The following DLGAP1 variants were observed in gnomAD, a reference collection of about 807,000 sequenced individuals.
The protein encoded by DLGAP1 is disks large-associated protein 1.
In DLGAP1, 11 loss-of-function variants were observed where a neutral mutation model predicts 90.8. That is an observed-to-expected ratio of 0.12 (90% confidence interval 0.08 to 0.20). The LOEUF (loss-of-function observed/expected upper bound fraction) is 0.20. Ranked by LOEUF, DLGAP1 falls within the 10% of genes least tolerant of loss-of-function variation. The pLI is 1.00. For synonymous variants in DLGAP1, 558 were observed against 540.7 expected, an observed-to-expected ratio of 1.03 and a Z score of -0.44; for missense variants, 1,050 against 1,333.8, an observed-to-expected ratio of 0.79 and a Z score of 3.31.
chr18:3,582,018 C>A lies in DLGAP1; in HGVS notation c.1822G>T (p.Ala608Ser). The A allele has an allele frequency of 6.2e-7, 1 of 1,612,844 alleles. No homozygotes were observed. Among genetic ancestry groups the A allele is most frequent in the Non-Finnish European group, 8.5e-7 (1 of 1,179,874 alleles). The stretch of plus-strand genomic sequence containing the variant: ...TGACTGGCAGGGCCATGGATCTGGG[C>A]GTTTGCAGCTTCGATGGCGGCTGTC... ...ALTAAIEAANAQIHGPASQHM... is the reference protein window; with the variant it reads ...ALTAAIEAANSQIHGPASQHM... The change falls in exon 8 of 13, where the codon GCC becomes TCC. Residue 608 changes from alanine to serine, a missense_variant. This residue lies in a region of DLGAP1 where 565 missense variants were observed against 879.7 expected (regional missense o/e 0.64). Transcript: ENST00000315677.
At chr18:4,381,883 G>A (rs558983258) in intron 1 of DLGAP1, among the ~76,000 whole-genome samples, 1 of 152,160 alleles carries the variant, frequency 6.6e-6, no homozygotes, top group Non-Finnish European at 1.5e-5. Flanking sequence ...AGTTCCACGT[G>A]GCTGGGGAGG....
chr18:3,686,983 G>C (rs1042159540), intron 7 of DLGAP1, among the ~76,000 whole-genome samples: 2 of 152,194 alleles, frequency 1.3e-5, no homozygotes, highest in Non-Finnish European at 2.9e-5. Flanking sequence ...GAGTCAGAGT[G>C]TTGCAGGCTA....
chr18:3,651,783 G>A (rs1171172892), intron 7 of DLGAP1, among the ~76,000 whole-genome samples: 3 of 152,142 alleles, frequency 2.0e-5, no homozygotes, highest in African/African-American at 7.2e-5. Context: ...GACCAGCCTG[G>A]CTAACATGGT....
chr18:4,331,941 G>A (rs1049817309), intron 1 of DLGAP1, among the ~76,000 whole-genome samples: 1 of 151,820 alleles, frequency 6.6e-6, no homozygotes, highest in Non-Finnish European at 1.5e-5. Flanking sequence ...GAAGGAAATG[G>A]TGAGCCTAAA....
At chr18:4,092,671 C>T (rs896560895) in intron 2 of DLGAP1, among the ~76,000 whole-genome samples, 2 of 152,078 alleles carry the variant, frequency 1.3e-5, no homozygotes, top group Non-Finnish European at 2.9e-5. Flanking sequence ...GGCTTTTGTT[C>T]CATAACAGGG....
At chr18:4,158,330 A>C (rs2144483046) in intron 1 of DLGAP1, among the ~76,000 whole-genome samples, 1 of 152,286 alleles carries the variant, frequency 6.6e-6, no homozygotes, top group South Asian at 2.1e-4. Context: ...TAGTAGAAAA[A>C]GTCAAGAGGG....
In DLGAP1 at chr18:4,308,959, C is replaced by T. The variant is rs146367245; in HGVS notation, c.-267+146047G>A. Among the ~76,000 whole-genome samples the T allele has an allele frequency of 6.4e-4, 97 of 152,238 alleles. 3 individuals are homozygous for T. The East Asian group carries it at 8.9e-3, about 14-fold the overall frequency. On this transcript the variant is annotated intron_variant, in intron 1 of 12. Transcript: ENST00000315677. ...TGTAATTGCTTCATTCCTTAACAAG[C>T]GGATTGAAAAGTAAACACCTTGTGG... is the stretch of plus-strand genomic sequence containing the variant.
chr18:3,898,408 T>C lies in DLGAP1; in HGVS notation c.-72-18268A>G, dbSNP rs2071702637. ...AGCAGCCCTATGAAGCAGGTACTCT[T>C]ATTATCTTCATTTCCCAGAGGAGGA... is the stretch of plus-strand genomic sequence containing the variant. On this transcript the variant is annotated intron_variant, in intron 3 of 12. Coordinates refer to ENST00000315677, the MANE Select transcript of DLGAP1 (RefSeq NM_004746.4). Among the ~76,000 whole-genome samples the C allele has an allele frequency of 1.3e-5, 2 of 152,230 alleles. 1 individual carries two copies. Among genetic ancestry groups the C allele is most frequent in the Admixed American group, 1.3e-4 (2 of 15,282 alleles).
At chr18:3,551,668 C>CTTTG (rs2053447462) in intron 9 of DLGAP1, among the ~76,000 whole-genome samples, 1 of 87,232 alleles carries the variant, frequency 1.1e-5, no homozygotes. Context: ...CTCTTTCCTT[C>CTTTG]TTTCTTTTCC....
rs374020937 is a variant in DLGAP1 at position 3,611,639 on chromosome 18, A to G, written c.1592-29391T>C. Among the ~76,000 whole-genome samples the G allele has an allele frequency of 5.3e-5, 8 of 152,286 alleles. No homozygotes were observed. In the South Asian group the frequency reaches 1.2e-3, roughly 24 times the overall value. ...CCCCTGCTTCCTTGCACCTTGGAAC[A>G]TGGCAGAACTTACCACGCGTTTCTC... On this transcript the variant is annotated intron_variant, in intron 7 of 12. Coordinates refer to ENST00000315677, the MANE Select transcript of DLGAP1 (RefSeq NM_004746.4).
At chr18:4,269,397 A>G (rs2079210093) in intron 1 of DLGAP1, among the ~76,000 whole-genome samples, 1 of 146,456 alleles carries the variant, frequency 6.8e-6, no homozygotes, top group South Asian at 2.1e-4. Context: ...TCTGTCGCCC[A>G]GGCTGGAGTG....
At chr18:3,563,382 CCTT>C (rs747835125) in intron 9 of DLGAP1, among the ~76,000 whole-genome samples, 2 of 151,934 alleles carry the variant, frequency 1.3e-5, no homozygotes, top group African/African-American at 2.4e-5. Flanking sequence ...TCCATCCTCT[CCTT>C]CTTGTATTCC....
chr18:4,165,704 G>A (rs1267893932), intron 1 of DLGAP1, among the ~76,000 whole-genome samples: 2 of 152,150 alleles, frequency 1.3e-5, no homozygotes, highest in South Asian at 2.1e-4. Flanking sequence ...ACTTAAAAAG[G>A]TAAAATGCTG....
rs960829741 is a variant in DLGAP1 at position 3,858,165 on chromosome 18, G to A, written c.957+20947C>T. Among the ~76,000 whole-genome samples the A allele has an allele frequency of 7.0e-4, 106 of 151,998 alleles. 1 individual carries two copies. Among genetic ancestry groups the A allele is most frequent in the African/African-American group, 2.4e-3 (101 of 41,384 alleles). ...TTCTCCTACATTAATTATCTCAGTTGGAAGTATTGACAGGCACCCAATTTT... is the reference window on the plus strand; with the variant it reads ...TTCTCCTACATTAATTATCTCAGTTAGAAGTATTGACAGGCACCCAATTTT... On this transcript the variant is annotated intron_variant, in intron 4 of 12. Transcript: ENST00000315677.
intron 1 of DLGAP1, among the ~76,000 whole-genome samples, chr18:4,257,279 G>C (rs75651247): frequency 0.089 from 13,553 of 152,126 alleles, 765 homozygotes; most frequent in East Asian, 0.18. Flanking sequence ...GCATCAACAT[G>C]GTAAAATTTA....
chr18:3,746,469 T>C (rs571858150), intron 5 of DLGAP1, among the ~76,000 whole-genome samples: 5 of 152,116 alleles, frequency 3.3e-5, no homozygotes, highest in Non-Finnish European at 7.4e-5. Context: ...TGAATGGAAG[T>C]ACATGAAAAT....
intron 1 of DLGAP1, among the ~76,000 whole-genome samples, chr18:4,200,910 G>C (rs16946243): frequency 0.057 from 8,625 of 152,110 alleles, 655 homozygotes; most frequent in African/African-American, 0.17. Context: ...GGGAAATATA[G>C]GGATCTTGTA....
chr18:3,744,353 A>C (rs1486214986), intron 5 of DLGAP1, among the ~76,000 whole-genome samples: 1 of 152,198 alleles, frequency 6.6e-6, no homozygotes, highest in Admixed American at 6.5e-5. Context: ...TTCCCTTTAA[A>C]ATTGCAAAAC....
At chr18:4,368,440 C>T (rs765902743) in intron 1 of DLGAP1, among the ~76,000 whole-genome samples, 1 of 152,080 alleles carries the variant, frequency 6.6e-6, no homozygotes, top group Non-Finnish European at 1.5e-5. Flanking sequence ...CGGACCTCAT[C>T]GAATCAGTAG....
Sources: allele counts gnomAD v4.1 joint callset (sites outside exome capture counted in the v4.1 genomes callset), GRCh38; gene constraint gnomAD v4.1.1; regional missense constraint gnomAD v4.1.1; transcripts MANE v1.5; gene names NCBI Gene and HGNC (gene_info 2026-07-23, HGNC 2026-07-21).